The following BEND7 variants were observed in gnomAD, a reference collection of about 807,000 sequenced individuals.
The protein encoded by BEND7 is BEN domain containing 7.
In BEND7, 28 loss-of-function variants were observed where a neutral mutation model predicts 50.9. The ratio of observed to expected loss-of-function variants is 0.55; its 90% CI spans 0.41 to 0.75. The LOEUF (loss-of-function observed/expected upper bound fraction) is 0.75, where lower values mean the gene tolerates loss of function less well. Ranked by LOEUF, BEND7 falls within the 30% of genes least tolerant of loss-of-function variation. The probability of loss-of-function intolerance (pLI) is 0.00; values close to 1 mark genes in which losing one functional copy is unlikely to be tolerated. For synonymous variants in BEND7, 170 were observed against 183.9 expected, an observed-to-expected ratio of 0.92 and a Z score of 0.61; for missense variants, 477 against 491.3, an observed-to-expected ratio of 0.97 and a Z score of 0.28.
intron 6 of BEND7, among the ~76,000 whole-genome samples, chr10:13,455,923 G>A (rs964623891): frequency 6.6e-6 from 1 of 152,278 alleles, no homozygotes; most frequent in African/African-American, 2.4e-5. Context: ...GCCACAGACA[G>A]GCTACGTGGT....
At chr10:13,518,065 G>T (rs1403996712) in intron 2 of BEND7, among the ~76,000 whole-genome samples, 1 of 152,144 alleles carries the variant, frequency 6.6e-6, no homozygotes, top group Non-Finnish European at 1.5e-5. Flanking sequence ...AAAATCACAG[G>T]GAGGCTGAAT....
At position 13,516,070 on chromosome 10, in the gene BEND7, G is replaced by T. The variant is rs959167219; in HGVS notation, c.145+10068C>A. Among the ~76,000 whole-genome samples, 6 of 152,286 alleles carry T rather than the reference G, an allele frequency of 3.9e-5. No homozygotes were observed. In the East Asian group the frequency reaches 1.2e-3, roughly 29 times the overall value. On this transcript the variant is annotated intron_variant, in intron 2 of 8. Coordinates refer to ENST00000466271, the MANE Select transcript of BEND7 (RefSeq NM_001369863.1). ...TGGAGGCACATTACCTTTTAACATGGTTTAACACGGAACTCATTCATTTAT... is the reference window on the plus strand; with the variant it reads ...TGGAGGCACATTACCTTTTAACATGTTTTAACACGGAACTCATTCATTTAT...
At chr10:13,515,959 G>A (rs1427868507) in intron 2 of BEND7, among the ~76,000 whole-genome samples, 1 of 152,184 alleles carries the variant, frequency 6.6e-6, no homozygotes, top group East Asian at 1.9e-4. Context: ...AGAGTGGGAT[G>A]AAGACCTCAT....
intron 2 of BEND7, among the ~76,000 whole-genome samples, chr10:13,511,736 C>A (rs908478417): frequency 6.6e-6 from 1 of 152,110 alleles, no homozygotes; most frequent in Non-Finnish European, 1.5e-5. Flanking sequence ...TGTACCAGGC[C>A]TCTGGTAAGC....
intron 6 of BEND7, among the ~76,000 whole-genome samples, chr10:13,478,618 G>C (rs936005713): frequency 1.3e-5 from 2 of 152,098 alleles, no homozygotes; most frequent in African/African-American, 4.8e-5. Context: ...GGAAGGGTGA[G>C]ATTAGGGTGG....
At chr10:13,481,486 A>T (rs1588864687) in intron 5 of BEND7, among the ~76,000 whole-genome samples, 1 of 151,634 alleles carries the variant, frequency 6.6e-6, no homozygotes, top group Non-Finnish European at 1.5e-5. Context: ...AAGAGATCAT[A>T]AAAAAAAAGA....
At chr10:13,517,040 T>G (rs1461453453) in intron 2 of BEND7, among the ~76,000 whole-genome samples, 3 of 151,368 alleles carry the variant, frequency 2.0e-5, no homozygotes, top group African/African-American at 7.3e-5. Context: ...CAAGCATTTG[T>G]TGCCCTATTA....
intron 6 of BEND7, among the ~76,000 whole-genome samples, chr10:13,480,384 G>T (rs897496631): frequency 2.0e-5 from 3 of 152,170 alleles, no homozygotes; most frequent in African/African-American, 7.2e-5. Context: ...AGAGGGAGAA[G>T]AGCGGGCCAG....
intron 6 of BEND7, among the ~76,000 whole-genome samples, chr10:13,464,888 G>A (rs961054498): frequency 2.6e-5 from 4 of 152,180 alleles, no homozygotes; most frequent in Admixed American, 1.3e-4. Flanking sequence ...TTAAAAGGGA[G>A]CTGGGAGAAG....
At chr10:13,488,565 G>C (rs903880211) in intron 5 of BEND7, among the ~76,000 whole-genome samples, 1 of 152,146 alleles carries the variant, frequency 6.6e-6, no homozygotes, top group African/African-American at 2.4e-5. Context: ...TCAGCTCACT[G>C]CAATCTTCGA....
intron 4 of BEND7, among the ~76,000 whole-genome samples, chr10:13,493,967 T>A (rs979873177): frequency 6.6e-6 from 1 of 152,238 alleles, no homozygotes; most frequent in Non-Finnish European, 1.5e-5. Flanking sequence ...TACACTTTGA[T>A]CCTGATATTT....
chr10:13,466,717 G>A (rs184220895), intron 6 of BEND7, among the ~76,000 whole-genome samples: 2 of 152,274 alleles, frequency 1.3e-5, no homozygotes, highest in Admixed American at 1.3e-4. Flanking sequence ...TAGGCAAGTG[G>A]CATAAAACAC....
chr10:13,505,895 C>A (rs1416452492), intron 2 of BEND7, among the ~76,000 whole-genome samples: 1 of 152,094 alleles, frequency 6.6e-6, no homozygotes. Context: ...ATTAAAAAAA[C>A]CCTGCTTATC....
intron 2 of BEND7, among the ~76,000 whole-genome samples, chr10:13,517,065 CT>C (rs5783329): frequency 0.3 from 37,622 of 125,782 alleles, 4,502 homozygotes; most frequent in Non-Finnish European, 0.36. Context: ...TTTCTGGTGG[CT>C]TTTTTTTTTT....
At chr10:13,440,793 C>T (rs1190850316), downstream of BEND7, among the ~76,000 whole-genome samples, 5 of 152,244 alleles carry the variant, frequency 3.3e-5, no homozygotes, top group Admixed American at 2.6e-4. Context: ...ATAAAGCTAC[C>T]TAATTCATTT....
chr10:13,453,132 C>T (rs1483871885), intron 6 of BEND7, among the ~76,000 whole-genome samples: 1 of 152,144 alleles, frequency 6.6e-6, no homozygotes, highest in Non-Finnish European at 1.5e-5. Context: ...CAGTTGGTGT[C>T]GTGATGAAAG....
At chr10:13,496,985 G>A in intron 3 of BEND7, 97 bp from the exon 4 acceptor site, 1 of 1,386,138 alleles carries the variant, frequency 7.2e-7, no homozygotes, top group Non-Finnish European at 9.4e-7. Context: ...TATCTTGGCA[G>A]GATTTTGAAG....
chr10:13,506,903 C>G (rs2077936732), intron 2 of BEND7, among the ~76,000 whole-genome samples: 1 of 151,942 alleles, frequency 6.6e-6, no homozygotes, highest in Non-Finnish European at 1.5e-5. Flanking sequence ...GATATAAACA[C>G]CAGTAGGAGA....
chr10:13,481,529 A>G (rs531742787), intron 5 of BEND7, among the ~76,000 whole-genome samples: 2 of 152,256 alleles, frequency 1.3e-5, no homozygotes, highest in Non-Finnish European at 2.9e-5. Context: ...TCAGTGCAGT[A>G]CAGTTACAGA....
Sources: allele counts gnomAD v4.1 joint callset (sites outside exome capture counted in the v4.1 genomes callset), GRCh38; gene constraint gnomAD v4.1.1; transcripts MANE v1.5; gene names NCBI Gene and HGNC (gene_info 2026-07-23, HGNC 2026-07-21).